MARCHF8: variants seen among roughly 807,000 people sequenced by gnomAD.
The protein encoded by MARCHF8 is E3 ubiquitin-protein ligase MARCHF8.
In MARCHF8, 40 loss-of-function variants were observed where a neutral mutation model predicts 51.6. The observed-to-expected ratio is 0.77, with a 90% CI of 0.60 to 1.01. The LOEUF is 1.01. MARCHF8 is among the 50% of genes least tolerant of loss of function. The probability of loss-of-function intolerance (pLI) is 0.00; values close to 1 mark genes in which losing one functional copy is unlikely to be tolerated. For synonymous variants in MARCHF8, 263 were observed against 280.3 expected, an observed-to-expected ratio of 0.94 and a Z score of 0.62; for missense variants, 685 against 708.6, an observed-to-expected ratio of 0.97 and a Z score of 0.38.
intron 1 of MARCHF8, among the ~76,000 whole-genome samples, chr10:45,545,706 C>T (rs901138907): frequency 1.3e-5 from 2 of 152,178 alleles, no homozygotes; most frequent in Admixed American, 6.5e-5. Context: ...GAGTCAAAAA[C>T]GCAATGCTGG....
chr10:45,524,225 A>G (rs892382107), intron 2 of MARCHF8, among the ~76,000 whole-genome samples: 4 of 152,222 alleles, frequency 2.6e-5, no homozygotes, highest in Non-Finnish European at 5.9e-5. Context: ...CAAAGAAAAC[A>G]AGCCTACAAA....
intron 1 of MARCHF8, among the ~76,000 whole-genome samples, chr10:45,574,513 T>C (rs997557012): frequency 1.3e-5 from 2 of 152,190 alleles, no homozygotes; most frequent in Non-Finnish European, 2.9e-5. Flanking sequence ...TCGCTTTCAC[T>C]TGGACTGACC....
At chr10:45,508,464 A>G (rs2133180184) in intron 2 of MARCHF8, among the ~76,000 whole-genome samples, 1 of 152,266 alleles carries the variant, frequency 6.6e-6, no homozygotes, top group African/African-American at 2.4e-5. Flanking sequence ...TCTATTTATC[A>G]AAGTCCTGAT....
chr10:45,555,242 A>C (rs2044238949), intron 1 of MARCHF8, among the ~76,000 whole-genome samples: 1 of 151,748 alleles, frequency 6.6e-6, no homozygotes, highest in South Asian at 2.1e-4. Context: ...AGAAAAAAAG[A>C]AGGGACAATT....
upstream of MARCHF8, among the ~76,000 whole-genome samples, chr10:45,540,079 C>T (rs966903411): frequency 2.0e-5 from 3 of 152,324 alleles, no homozygotes; most frequent in East Asian, 1.9e-4. Flanking sequence ...ACATTCCATG[C>T]TCATGGGTAG....
intron 2 of MARCHF8, among the ~76,000 whole-genome samples, chr10:45,531,003 AGACGGAATTACT>A (rs2043873711): frequency 6.6e-6 from 1 of 152,238 alleles, no homozygotes; most frequent in South Asian, 2.1e-4. Context: ...AAAACACACT[AGACGGAATTACT>A]GGCAGATTAG....
intron 3 of MARCHF8, among the ~76,000 whole-genome samples, chr10:45,464,964 A>C (rs367662165): frequency 5.3e-5 from 8 of 152,238 alleles, no homozygotes; most frequent in East Asian, 1.9e-4. Flanking sequence ...TAAGAAAAAT[A>C]ATCAAGAAAA....
Position 45,463,651 on chromosome 10 carries a change from C to A in MARCHF8, c.588G>T (p.Arg196Ser), listed in dbSNP as rs149004940. 3.4e-5 allele frequency: 53 copies of A among 1,550,694 alleles called. No individual in the cohort carries two copies. In the East Asian group the frequency reaches 1.3e-3, roughly 37 times the overall value. Residue 196 changes from arginine (R) to serine (S), a missense_variant, in exon 5 of 8, where the codon AGG (arginine) becomes AGT (serine). By Grantham distance (110) the Arg-to-Ser change is moderately radical. Transcript: ENST00000453424. ...GGGTTCTTTTTTCTTTATGATGAAA[C>A]CTGTTAGTTCTGAGACACGTATCTT... is the stretch of plus-strand genomic sequence containing the variant. ...LPQDTCLRTN[R>S]FHHKEKRTLN...
At chr10:45,522,119 G>A (rs183886505) in intron 2 of MARCHF8, among the ~76,000 whole-genome samples, 1 of 152,244 alleles carries the variant, frequency 6.6e-6, no homozygotes, top group East Asian at 1.9e-4. Flanking sequence ...ACTTTTTAAA[G>A]TCAGGGGTTC....
chr10:45,509,854 T>C (rs2043461727), intron 2 of MARCHF8, among the ~76,000 whole-genome samples: 1 of 152,162 alleles, frequency 6.6e-6, no homozygotes, highest in South Asian at 2.1e-4. Flanking sequence ...AGCCTTAAGA[T>C]CACTAGTAAC....
At chr10:45,514,323 C>A (rs1311379626) in intron 2 of MARCHF8, among the ~76,000 whole-genome samples, 2 of 152,234 alleles carry the variant, frequency 1.3e-5, no homozygotes, top group South Asian at 4.1e-4. Flanking sequence ...TGACAGGGCA[C>A]GTCTCCTACC....
chr10:45,488,486 A>C (rs1372334059), intron 3 of MARCHF8, among the ~76,000 whole-genome samples: 2 of 151,064 alleles, frequency 1.3e-5, no homozygotes, highest in African/African-American at 4.9e-5. Context: ...AGGGAGCCGA[A>C]GACCCATGGG....
At chr10:45,462,721 GTTCAAGCAA>G (rs1842830097) in intron 5 of MARCHF8, among the ~76,000 whole-genome samples, 1 of 151,980 alleles carries the variant, frequency 6.6e-6, no homozygotes, top group Admixed American at 6.5e-5. Context: ...CGCCTCCCGG[GTTCAAGCAA>G]TTCTCCTGCC....
intron 2 of MARCHF8, among the ~76,000 whole-genome samples, chr10:45,519,303 A>G (rs968338132): frequency 6.6e-6 from 1 of 152,196 alleles, no homozygotes; most frequent in Non-Finnish European, 1.5e-5. Flanking sequence ...TGGCAAAACT[A>G]AATAAACGCC....
intron 2 of MARCHF8, among the ~76,000 whole-genome samples, chr10:45,526,659 A>T (rs2043799030): frequency 1.3e-5 from 2 of 152,108 alleles, no homozygotes; most frequent in Admixed American, 6.6e-5. Flanking sequence ...ATTCCTTTAT[A>T]GCACAAGAGG....
chr10:45,582,934 C>T (rs753123210), intron 1 of MARCHF8, among the ~76,000 whole-genome samples: 3 of 152,000 alleles, frequency 2.0e-5, no homozygotes, highest in Admixed American at 2.0e-4. Flanking sequence ...ACTAAAAATA[C>T]GGATGTAACC....
chr10:45,491,079 T>C (rs2043072603), intron 2 of MARCHF8, among the ~76,000 whole-genome samples: 2 of 152,172 alleles, frequency 1.3e-5, no homozygotes, highest in Non-Finnish European at 1.5e-5. Flanking sequence ...AAGTATTTTT[T>C]ATAGAGACAG....
At chr10:45,494,074 T>G (rs558105168) in intron 2 of MARCHF8, among the ~76,000 whole-genome samples, 15 of 152,294 alleles carry the variant, frequency 9.8e-5, no homozygotes, top group Non-Finnish European at 1.5e-4. Flanking sequence ...TGGTACAGAT[T>G]GGGAAAGACT....
At chr10:45,491,298 G>A (rs958813340) in intron 2 of MARCHF8, among the ~76,000 whole-genome samples, 1 of 152,210 alleles carries the variant, frequency 6.6e-6, no homozygotes, top group African/African-American at 2.4e-5. Flanking sequence ...TTCACTTTGG[G>A]AGGCTGAGGC....
Sources: gnomAD v4.1 joint callset for allele counts (sites outside exome capture counted in the v4.1 genomes callset) on GRCh38, gnomAD v4.1.1 for gene constraint, MANE v1.5 for transcripts, NCBI Gene and HGNC (gene_info 2026-07-23, HGNC 2026-07-21) for gene names.